The following DGKK variants were observed in gnomAD, a reference collection of about 807,000 sequenced individuals.
DGKK encodes the protein 142 kDa diacylglycerol kinase.
In DGKK, 35 loss-of-function variants were observed where a neutral mutation model predicts 92.2. The observed-to-expected ratio is 0.38, with a 90% CI of 0.29 to 0.50. The LOEUF is 0.50. Among genes scored for constraint, DGKK ranks in the 20% least tolerant of loss-of-function variants. The probability of loss-of-function intolerance (pLI) is 0.92; values close to 1 mark genes in which losing one functional copy is unlikely to be tolerated. For missense variants in DGKK, 910 were observed against 992.2 expected (o/e 0.92, Z 1.11); for synonymous variants, 368 against 360.6 (o/e 1.02, Z -0.23).
At chrX:50,379,172 T>C (rs1206531068) in intron 20 of DGKK, among the ~76,000 whole-genome samples, 2 of 110,650 alleles carry the variant, frequency 1.8e-5, no homozygotes, top group East Asian at 5.7e-4. Flanking sequence ...AATACAAAAA[T>C]TAGCCGGGCA....
At chrX:50,406,823 T>C (rs931339118) in intron 4 of DGKK, among the ~76,000 whole-genome samples, 1 of 111,969 alleles carries the variant, frequency 8.9e-6, no homozygotes, top group Admixed American at 9.4e-5. Flanking sequence ...AGTTTGTAGT[T>C]ATTTTATTAT....
chrX:50,427,018 A>C (rs1419632454), intron 1 of DGKK, among the ~76,000 whole-genome samples: 1 of 112,040 alleles, frequency 8.9e-6, no homozygotes, highest in African/African-American at 3.2e-5. Flanking sequence ...AAATGCATTA[A>C]AAAGTTATGT....
At chrX:50,424,415 T>C in intron 1 of DGKK, 57 bp from the exon 2 acceptor site, 1 of 1,050,692 alleles carries the variant, frequency 9.5e-7, no homozygotes, top group Non-Finnish European at 1.3e-6. Flanking sequence ...GTCATATCAC[T>C]TGTTTTCTCA....
At chrX:50,405,530 GA>G (rs1557227183) in intron 4 of DGKK, among the ~76,000 whole-genome samples, 2 of 84,759 alleles carry the variant, frequency 2.4e-5, no homozygotes, top group African/African-American at 1.7e-4. Context: ...AGTGGGGGGA[GA>G]GAGAGAGAGA....
intron 13 of DGKK, 93 bp from the exon 14 acceptor site, chrX:50,387,746 C>T (rs1924585901): frequency 1.8e-6 from 1 of 569,950 alleles, no homozygotes; most frequent in Non-Finnish European, 2.8e-6. Flanking sequence ...CTCCTCCTCT[C>T]TCTCTTTCCT....
At chrX:50,443,010 A>G (rs1472865690) in intron 1 of DGKK, among the ~76,000 whole-genome samples, 2 of 111,786 alleles carry the variant, frequency 1.8e-5, no homozygotes. Context: ...AAGCCAGTGA[A>G]AGAGAGTCTG....
At chrX:50,414,177 A>T (rs1419992123) in intron 4 of DGKK, among the ~76,000 whole-genome samples, 1 of 111,613 alleles carries the variant, frequency 9.0e-6, no homozygotes, top group African/African-American at 3.3e-5. Context: ...AGAAGTAGAG[A>T]ATAGAATGGT....
chrX:50,419,493 T>C (rs1423758476), intron 4 of DGKK, among the ~76,000 whole-genome samples: 1 of 112,187 alleles, frequency 8.9e-6, no homozygotes, highest in Non-Finnish European at 1.9e-5. Flanking sequence ...AGACATTAGG[T>C]TGTTTTAAAG....
At position 50,387,563 on chromosome X, in the gene DGKK, C is replaced by A. The variant is rs781940959; in HGVS notation, c.2109G>T (p.Val703=). The A allele has an allele frequency of 1.8e-5, 22 of 1,199,670 alleles. No homozygotes were observed. The highest frequency in any genetic ancestry group is 2.5e-5 in the Non-Finnish European group (22 of 886,734). The stretch of plus-strand genomic sequence containing the variant: ...AGGAATGGGAACTTACTTTCAAAAT[C>A]ACAGACACTATTGCAGTGTTGTTCT... ...IKQNNTAIVS[V]ILKSDLMYDR... The change falls in exon 14 of 28, where the codon GTG becomes GTT. Residue 703 remains valine (V), a synonymous_variant. Transcript: ENST00000611977.
intron 27 of DGKK, among the ~76,000 whole-genome samples, chrX:50,369,706 C>T (rs781999251): frequency 1.1e-4 from 12 of 110,747 alleles, no homozygotes; most frequent in South Asian, 3.9e-4. Flanking sequence ...GGACTACAAA[C>T]GCACACCATC....
intron 1 of DGKK, among the ~76,000 whole-genome samples, chrX:50,452,594 T>C (rs782441679): frequency 8.9e-6 from 1 of 111,799 alleles, no homozygotes; most frequent in East Asian, 2.9e-4. Flanking sequence ...TAAAAAACAG[T>C]AGTAAGCAGG....
chrX:50,412,488 GA>G (rs1255630530), intron 4 of DGKK, among the ~76,000 whole-genome samples: 1 of 111,632 alleles, frequency 9.0e-6, no homozygotes, highest in Non-Finnish European at 1.9e-5. Context: ...CACACAAATG[GA>G]AAAAAATCCT....
intron 1 of DGKK, among the ~76,000 whole-genome samples, chrX:50,462,807 T>C (rs903048814): frequency 9.3e-6 from 1 of 106,991 alleles, no homozygotes; most frequent in African/African-American, 3.4e-5. Flanking sequence ...TCCTTTTCTT[T>C]AAAAGAAACA....
At chrX:50,401,700 TAC>T (rs1319766034) in intron 7 of DGKK, among the ~76,000 whole-genome samples, 15 of 109,431 alleles carry the variant, frequency 1.4e-4, no homozygotes, top group African/African-American at 4.7e-4. Context: ...CCTGGAAAAT[TAC>T]ACATTTTCTA....
chrX:50,440,568 T>C (rs1300654303), intron 1 of DGKK, among the ~76,000 whole-genome samples: 1 of 111,788 alleles, frequency 8.9e-6, no homozygotes, highest in African/African-American at 3.2e-5. Flanking sequence ...AAAGTCTAGA[T>C]GTAGAGTTAT....
intron 4 of DGKK, among the ~76,000 whole-genome samples, chrX:50,418,354 A>T (rs1370358060): frequency 1.8e-5 from 2 of 111,705 alleles, no homozygotes; most frequent in Non-Finnish European, 3.8e-5. Context: ...CAAGTATTGC[A>T]TCTTTTTTTT....
At chrX:50,372,741 C>G (rs1924174847) in intron 25 of DGKK, among the ~76,000 whole-genome samples, 1 of 112,360 alleles carries the variant, frequency 8.9e-6, no homozygotes, top group South Asian at 3.7e-4. Context: ...GAATCAAGTT[C>G]TAGAACATCA....
intron 21 of DGKK, 91 bp downstream of exon 21, chrX:50,378,487 T>G (rs1419166457): frequency 1.1e-6 from 1 of 877,127 alleles, no homozygotes; most frequent in African/African-American, 2.0e-5. Flanking sequence ...CTGGCATTCT[T>G]CTACCCAGTT....
chrX:50,468,039 C>A (rs1449068021), intron 1 of DGKK, among the ~76,000 whole-genome samples: 1 of 112,154 alleles, frequency 8.9e-6, no homozygotes, highest in Admixed American at 9.4e-5. Context: ...TGGTCTCCTG[C>A]CAGTGTTGCC....
Sources: gnomAD v4.1 joint callset for allele counts (sites outside exome capture counted in the v4.1 genomes callset) on GRCh38, gnomAD v4.1.1 for gene constraint, MANE v1.5 for transcripts, NCBI Gene and HGNC (gene_info 2026-07-23, HGNC 2026-07-21) for gene names.